The following ERBIN variants were observed in gnomAD, a reference collection of about 807,000 sequenced individuals.
ERBIN encodes erbb2 interacting protein, also known as densin-180-like protein.
A neutral mutation model predicts 158.4 loss-of-function variants in ERBIN; 60 were observed. The observed-to-expected ratio is 0.38, with a 90% CI of 0.31 to 0.47. The LOEUF is 0.47. Ranked by LOEUF, ERBIN falls within the 20% of genes least tolerant of loss-of-function variation. The pLI is 0.99. For missense variants in ERBIN, 1,610 were observed against 1,648.0 expected (o/e 0.98, Z 0.40); for synonymous variants, 594 against 557.2 (o/e 1.07, Z -0.93).
chr5:66,074,433 G>A (rs945009023), intron 22 of ERBIN, among the ~76,000 whole-genome samples: 6 of 151,950 alleles, frequency 3.9e-5, no homozygotes, highest in African/African-American at 1.2e-4. Flanking sequence ...GATTATAAAC[G>A]TTGCTAACAT....
At chr5:66,018,546 T>A (rs374613541) in intron 7 of ERBIN, among the ~76,000 whole-genome samples, 178 of 8,552 alleles carry the variant, frequency 0.021, 50 homozygotes, top group Non-Finnish European at 0.076. Flanking sequence ...ATAATATATA[T>A]TATATATTAT....
At position 66,078,515 on chromosome 5, in the gene ERBIN, A is replaced by G. The variant is rs1376645905; in HGVS notation, c.4224A>G (p.Arg1408=). 6.2e-7 allele frequency: 1 copy of G among 1,608,220 alleles called. No individual in the cohort carries two copies. Among genetic ancestry groups the G allele is most frequent in the East Asian group, 2.2e-5 (1 of 44,632 alleles). ...ATACAGTTGAACTCATCATTGTACG[A>G]GAAGTTTCCTCATAAGCACTGTGGA... ...FQNTVELIIV[R]EVSS The change falls in exon 26 of 26, where the codon CGA becomes CGG. Residue 1408 remains arginine, a synonymous_variant. Transcript: ENST00000284037.
chr5:65,950,424 A>T (rs928654943), intron 1 of ERBIN, among the ~76,000 whole-genome samples: 2 of 152,032 alleles, frequency 1.3e-5, no homozygotes, highest in Non-Finnish European at 2.9e-5. Context: ...GATTTTTTTC[A>T]TGATTATGTT....
intron 1 of ERBIN, among the ~76,000 whole-genome samples, chr5:65,944,206 T>A (rs1745451321): frequency 2.8e-5 from 1 of 35,672 alleles, no homozygotes; most frequent in African/African-American, 1.9e-4. Context: ...TGTTTAGTAT[T>A]TTTTTTTTTT....
At chr5:65,960,450 T>C (rs1747778143) in intron 1 of ERBIN, among the ~76,000 whole-genome samples, 1 of 152,200 alleles carries the variant, frequency 6.6e-6, no homozygotes, top group Non-Finnish European at 1.5e-5. Context: ...TGCATTTCGC[T>C]ATACGTAAAC....
chr5:66,020,860 C>T (rs1330800782), intron 7 of ERBIN, among the ~76,000 whole-genome samples: 3 of 151,842 alleles, frequency 2.0e-5, no homozygotes, highest in South Asian at 2.1e-4. Context: ...AGTAATACAA[C>T]GTACTGTTAG....
intron 24 of ERBIN, 116 bp from the exon 25 acceptor site, chr5:66,076,759 G>A (rs1762017557): frequency 2.7e-6 from 2 of 749,160 alleles, no homozygotes; most frequent in Admixed American, 5.0e-5. Flanking sequence ...AGAAGTCAGG[G>A]AGAAAACTTG....
At chr5:65,936,378 C>T (rs773038145) in intron 1 of ERBIN, among the ~76,000 whole-genome samples, 1 of 152,176 alleles carries the variant, frequency 6.6e-6, no homozygotes, top group Non-Finnish European at 1.5e-5. Flanking sequence ...ATCTTGGCAG[C>T]ATCAAATGGA....
intron 4 of ERBIN, among the ~76,000 whole-genome samples, chr5:66,003,861 A>G (rs945219534): frequency 2.0e-5 from 3 of 150,550 alleles, no homozygotes; most frequent in Non-Finnish European, 4.4e-5. Flanking sequence ...GAGTGATTTG[A>G]AGAAGACATT....
At position 65,985,642 on chromosome 5, in the gene ERBIN, C is replaced by G. The variant is rs1698594004; in HGVS notation, c.-57-2993C>G. 2.0e-5 allele frequency among the ~76,000 whole-genome samples: 3 copies of G among 152,210 alleles called. No homozygotes were observed. In the South Asian group the frequency reaches 6.2e-4, roughly 32 times the overall value. On this transcript the variant is annotated intron_variant, in intron 1 of 25. Coordinates refer to ENST00000284037, the MANE Select transcript of ERBIN (RefSeq NM_001253697.2). Reference sequence around the variant, plus strand: ...TTACGAAAATTATCAATGAGCTCCTCTCTTTCTCTACTAGATTGTTTCTAT... The same window carrying G: ...TTACGAAAATTATCAATGAGCTCCTGTCTTTCTCTACTAGATTGTTTCTAT...
chr5:65,967,435 T>C (rs1479259899), intron 1 of ERBIN, among the ~76,000 whole-genome samples: 6 of 152,162 alleles, frequency 3.9e-5, no homozygotes, highest in Non-Finnish European at 7.4e-5. Flanking sequence ...CTGCACTGTT[T>C]CTATGTTTAG....
chr5:66,038,915 C>T (rs1007291546), intron 15 of ERBIN, among the ~76,000 whole-genome samples: 2 of 151,932 alleles, frequency 1.3e-5, no homozygotes, highest in African/African-American at 4.8e-5. Flanking sequence ...TTTTGCCCGA[C>T]AAGGGGGAGT....
rs1015013082 is a variant in ERBIN at position 66,081,970 on chromosome 5, A to AT, written c.*3441dup. On this transcript the variant is annotated 3_prime_UTR_variant, in exon 26 of 26. Coordinates refer to ENST00000284037, the MANE Select transcript of ERBIN (RefSeq NM_001253697.2). ...CCTTTGGGTATTCCTTTGTTTCTAA[A>AT]TAAGGACCTTCAGAAAAAGTTGACC... 1.3e-5 allele frequency: 2 copies of AT among 152,166 alleles called. No homozygotes were observed. The highest frequency in any genetic ancestry group is 4.8e-5 in the African/African-American group (2 of 41,460). The allele number at this position is 152,166 out of a possible 1,614,324, so 9.4% of individuals were successfully genotyped here.
In ERBIN at chr5:66,054,130, T is replaced by C; in HGVS notation, c.2812T>C (p.Ser938Pro). 1 of 1,614,186 alleles carries C rather than the reference T, an allele frequency of 6.2e-7. No homozygotes were observed. The highest frequency in any genetic ancestry group is 8.5e-7 in the Non-Finnish European group (1 of 1,180,044). ...TGSSSSSDLI[S>P]GTKAIFKFDS... is the part of the protein sequence containing the mutation. ...TTCTTCCTCATCTTCTGATTTAATA[T>C]CAGGAACAAAGGCAATTTTCAAGTT... Residue 938 changes from serine (S) to proline (P), a missense_variant, in exon 21 of 26, where the codon TCA becomes CCA. Transcript: ENST00000284037.
At chr5:65,936,424 GAA>G (rs1744088566) in intron 1 of ERBIN, among the ~76,000 whole-genome samples, 1 of 152,192 alleles carries the variant, frequency 6.6e-6, no homozygotes, top group Admixed American at 6.5e-5. Context: ...GGGGACTTCA[GAA>G]GATTTAGTTT....
intron 2 of ERBIN, among the ~76,000 whole-genome samples, chr5:65,989,456 T>G (rs1480143996): frequency 1.3e-5 from 2 of 152,188 alleles, no homozygotes; most frequent in African/African-American, 4.8e-5. Flanking sequence ...CACAGAAAGT[T>G]TTCCTTTGAG....
chr5:65,960,644 A>C (rs908437429), intron 1 of ERBIN, among the ~76,000 whole-genome samples: 4 of 152,208 alleles, frequency 2.6e-5, no homozygotes, highest in African/African-American at 9.6e-5. Context: ...TCATGAATGC[A>C]ACTGCTACTC....
At chr5:65,945,971 C>T (rs1221708859) in intron 1 of ERBIN, among the ~76,000 whole-genome samples, 1 of 152,134 alleles carries the variant, frequency 6.6e-6, no homozygotes, top group Admixed American at 6.5e-5. Flanking sequence ...CCAAGGATCA[C>T]CTGTTTTTTA....
Position 66,034,296 on chromosome 5 carries a change from G to GT in ERBIN, c.1207-4076dup, listed in dbSNP as rs988150994. ...TGTAGAATTTTCCATACTCATAGCTGTTTTTTTTTTTAAGACAGAGTCTCA... is the reference window on the plus strand; with the variant it reads ...TGTAGAATTTTCCATACTCATAGCTGTTTTTTTTTTTTAAGACAGAGTCTCA... On this transcript the variant is annotated intron_variant, in intron 14 of 25. Transcript: ENST00000284037. Among the ~76,000 whole-genome samples the GT allele has an allele frequency of 8.1e-3, 1,182 of 145,670 alleles. 13 individuals are homozygous for GT. The highest frequency in any genetic ancestry group is 0.02 in the African/African-American group (801 of 39,930).
Sources: gnomAD v4.1 joint callset for allele counts (sites outside exome capture counted in the v4.1 genomes callset) on GRCh38, gnomAD v4.1.1 for gene constraint, MANE v1.5 for transcripts, NCBI Gene and HGNC (gene_info 2026-07-23, HGNC 2026-07-21) for gene names.